PLEKHG4: variants seen among roughly 807,000 people sequenced by gnomAD.
The protein encoded by PLEKHG4 is pleckstrin homology and RhoGEF domain containing G4.
PLEKHG4 carries 85 observed loss-of-function variants against 136.9 expected under a neutral mutation model. The ratio of observed to expected loss-of-function variants is 0.62; its 90% CI spans 0.52 to 0.74. The LOEUF is 0.74. PLEKHG4 is among the 30% of genes least tolerant of loss of function. The pLI is 0.00. For missense variants in PLEKHG4, 1,317 were observed against 1,527.8 expected, an observed-to-expected ratio of 0.86 and a Z score of 2.30; for synonymous variants, 577 against 646.9, an observed-to-expected ratio of 0.89 and a Z score of 1.64.
At chr16:67,281,225 C>T (rs78476762) in intron 5 of PLEKHG4, 41 bp downstream of exon 5, 306,228 of 1,081,778 alleles carry the variant, frequency 0.28, 31,343 homozygotes, top group Middle Eastern at 0.39. Flanking sequence ...CTTTTCTTTT[C>T]TTTTTTTTTT....
At chr16:67,285,753 G>A (rs1447912225) in intron 14 of PLEKHG4, among the ~76,000 whole-genome samples, 3 of 152,226 alleles carry the variant, frequency 2.0e-5, no homozygotes, top group African/African-American at 7.2e-5. Flanking sequence ...AAATAAGCAG[G>A]ATAGATGCTT....
intron 14 of PLEKHG4, among the ~76,000 whole-genome samples, 183 bp downstream of exon 14, chr16:67,285,719 A>G (rs77172471): frequency 0.019 from 2,965 of 152,326 alleles, 45 homozygotes; most frequent in Non-Finnish European, 0.031. Context: ...CGATACTTGT[A>G]GATTATAGTT....
chr16:67,289,222 A>C lies in PLEKHG4; in HGVS notation c.*414A>C. On this transcript the variant is annotated 3_prime_UTR_variant, in exon 22 of 22. Coordinates refer to ENST00000379344, the MANE Select transcript of PLEKHG4 (RefSeq NM_001129729.3). ...GCTGATCCCCAATGCCTGGCCTTAAAGCCGAGCTCAGTTACCATAGGGACA... is the reference window on the plus strand; with the variant it reads ...GCTGATCCCCAATGCCTGGCCTTAACGCCGAGCTCAGTTACCATAGGGACA... 1 of 438,208 alleles carries C rather than the reference A, an allele frequency of 2.3e-6. No individual in the cohort carries two copies. Among genetic ancestry groups the C allele is most frequent in the Admixed American group, 3.7e-5 (1 of 26,976 alleles). The allele number at this position is 438,208 out of a possible 1,614,324, so 27.1% of individuals were successfully genotyped here. A position where few individuals can be genotyped will look rare whatever the true frequency, so the allele number is the denominator to read the frequency against.
upstream of PLEKHG4, chr16:67,278,714 G>C (rs2036074536): frequency 6.6e-6 from 1 of 152,198 alleles, no homozygotes; most frequent in Non-Finnish European, 1.5e-5. Flanking sequence ...GCAACCCCAG[G>C]AGAAAAATGA....
chr16:67,284,718 G>A lies in PLEKHG4; in HGVS notation c.1698G>A (p.Leu566=). 1 of 1,613,726 alleles carries A rather than the reference G, an allele frequency of 6.2e-7. No homozygotes were observed. The highest frequency in any genetic ancestry group is 8.5e-7 in the Non-Finnish European group (1 of 1,179,940). The change falls in exon 13 of 22, where the codon TTG becomes TTA. Residue 566 remains leucine, a synonymous_variant. Coordinates refer to ENST00000379344, the MANE Select transcript of PLEKHG4 (RefSeq NM_001129729.3). The surrounding 1 kb of genome is among the most constrained non-coding windows in gnomAD (Gnocchi z 4.4). ...GTCCGGCCCTGGTGTTGCAGGCCTT[G>A]ACGTGGGCTGAGGAGGGGCAGCGAG... ...ERLFQLFREA[L]TWAEEGQRVL...
In PLEKHG4 at chr16:67,289,113, G is replaced by A; in HGVS notation, c.*305G>A. On this transcript the variant is annotated 3_prime_UTR_variant, in exon 22 of 22. Coordinates refer to ENST00000379344, the MANE Select transcript of PLEKHG4 (RefSeq NM_001129729.3). ...AGCAGACATTGGGTGTTTCCATGCT[G>A]TAGGCTGGTGGGGGACCATGTGCCT... is the stretch of plus-strand genomic sequence containing the variant. 6 of 529,682 alleles carry A rather than the reference G, an allele frequency of 1.1e-5. No individual in the cohort carries two copies. The highest frequency in any genetic ancestry group is 1.0e-4 in the South Asian group (5 of 49,552). The allele number at this position is 529,682 out of a possible 1,614,324, so 32.8% of individuals were successfully genotyped here. A position where few individuals can be genotyped will look rare whatever the true frequency, so the allele number is the denominator to read the frequency against.
In PLEKHG4 at chr16:67,284,482, A is replaced by G. The variant is rs777402480; in HGVS notation, c.1692+25A>G. The G allele has an allele frequency of 6.2e-7, 1 of 1,611,152 alleles. No individual in the cohort carries two copies. The highest frequency in any genetic ancestry group is 8.5e-7 in the Non-Finnish European group (1 of 1,177,780). ...GGTGGGTGAGAGTCTCCCCAGCTCC[A>G]AGTGATCCATGAGGCCGGAGGGATG... On this transcript the variant is annotated intron_variant, in intron 12 of 21. Coordinates refer to ENST00000379344, the MANE Select transcript of PLEKHG4 (RefSeq NM_001129729.3). This position sits in a 1 kb window ranked among gnomAD's most constrained non-coding sequence, Gnocchi z 4.4.
intron 18 of PLEKHG4, chr16:67,287,675 GA>G: frequency 3.3e-6 from 2 of 612,534 alleles, no homozygotes; most frequent in South Asian, 3.7e-5. Flanking sequence ...TTACAGGCGT[GA>G]GCCACTGCGC....
chr16:67,284,890 G>T lies in PLEKHG4; in HGVS notation c.1870G>T (p.Glu624Ter), dbSNP rs1381657167. The part of the protein sequence containing the change: ...TGLGSEAIRQ[E>*]CRWAWARCQD... ...GCTGGGCTCAGAGGCCATCCGCCAG[G>T]AGTGCCGCTGGGCCTGGGCGCGGTG... The change falls in exon 13 of 22, where the codon GAG becomes TAG. Residue 624 changes from glutamate to a stop codon, truncating the protein, a stop_gained. Coordinates refer to ENST00000379344, the MANE Select transcript of PLEKHG4 (RefSeq NM_001129729.3). LOFTEE classifies it high-confidence loss of function. This position sits in a 1 kb window ranked among gnomAD's most constrained non-coding sequence, Gnocchi z 4.4. 6.2e-7 allele frequency: 1 copy of T among 1,612,644 alleles called. No homozygotes were observed. The highest frequency in any genetic ancestry group is 1.3e-5 in the African/African-American group (1 of 74,916).
In PLEKHG4 at chr16:67,284,754, G is replaced by A. The variant is rs750349724; in HGVS notation, c.1734G>A (p.Glu578=). Residue 578 remains glutamate (E), a synonymous_variant, in exon 13 of 22, where the codon GAG becomes GAA. Transcript: ENST00000379344. The surrounding 1 kb of genome is among the most constrained non-coding windows in gnomAD (Gnocchi z 4.4). ...AGGAGGGGCAGCGAGTGTTGGCAGA[G>A]CTGGAGCAGGAACGCCCGGGGGTTG... ...WAEEGQRVLA[E]LEQERPGVVL... The A allele has an allele frequency of 9.3e-6, 15 of 1,613,824 alleles. No individual in the cohort carries two copies. The highest frequency in any genetic ancestry group is 1.3e-5 in the Non-Finnish European group (15 of 1,179,964).
chr16:67,280,418 TA>T lies in PLEKHG4; in HGVS notation c.375del (p.Leu127TrpfsTer2). The T allele has an allele frequency of 6.2e-7, 1 of 1,602,246 alleles. No homozygotes were observed. On this transcript the variant is annotated frameshift_variant, in exon 2 of 22. Transcript: ENST00000379344. LOFTEE classifies it high-confidence loss of function. This position sits in a 1 kb window ranked among gnomAD's most constrained non-coding sequence, Gnocchi z 4.4. The part of the protein sequence containing the change: ...LAQGESDTPG[V>X]GLVGDPGPSR... ...CAGGGTGAGAGTGACACCCCAGGGG[TA>T]GGGTTGGTAGGGGACCCAGGTCCAA...
chr16:67,284,840 G>C lies in PLEKHG4; in HGVS notation c.1820G>C (p.Arg607Pro). 1 of 1,613,238 alleles carries C rather than the reference G, an allele frequency of 6.2e-7. No homozygotes were observed. Among genetic ancestry groups the C allele is most frequent in the South Asian group, 1.1e-5 (1 of 91,040 alleles). Residue 607 changes from arginine to proline, a missense_variant, in exon 13 of 22, where the codon CGA becomes CCA. Coordinates refer to ENST00000379344, the MANE Select transcript of PLEKHG4 (RefSeq NM_001129729.3). The surrounding 1 kb of genome is among the most constrained non-coding windows in gnomAD (Gnocchi z 4.4). ...RHPDLPPAHF[R>P]KMWALATGLG... ...CCTGACTTGCCTCCTGCCCACTTCC[G>C]AAAGATGTGGGCTCTGGCCACGGGG...
chr16:67,289,456 A>G lies in PLEKHG4; in HGVS notation c.*648A>G, dbSNP rs901009776. On this transcript the variant is annotated 3_prime_UTR_variant, in exon 22 of 22. Coordinates refer to ENST00000379344, the MANE Select transcript of PLEKHG4 (RefSeq NM_001129729.3). ...GTGTGATTTAATCTTTTATTTGTTT[A>G]TAATAAAAAATAGACTGATATGTAC... is the stretch of plus-strand genomic sequence containing the variant. 1.7e-6 allele frequency: 1 copy of G among 579,054 alleles called. No individual in the cohort carries two copies. The highest frequency in any genetic ancestry group is 3.1e-6 in the Non-Finnish European group (1 of 323,012). 35.9% of individuals were successfully genotyped at this position (579,054 alleles called of 1,614,324 possible). A position where few individuals can be genotyped will look rare whatever the true frequency, so the allele number is the denominator to read the frequency against.
Position 67,282,009 on chromosome 16 carries a change from C to A in PLEKHG4, c.1006C>A (p.Arg336=). The A allele has an allele frequency of 6.2e-7, 1 of 1,612,012 alleles. No individual in the cohort carries two copies. Among genetic ancestry groups the A allele is most frequent in the Non-Finnish European group, 8.5e-7 (1 of 1,178,722 alleles). ...CGGTCATGCCTGCCCCTGCTTACAGCGGCTGGAAGCTCTACTACAGAACTG... is the reference window on the plus strand; with the variant it reads ...CGGTCATGCCTGCCCCTGCTTACAGAGGCTGGAAGCTCTACTACAGAACTG... ...CHQAWLDFRR[R]LEALLQNCQA... is the part of the protein sequence containing the mutation. The change falls in exon 8 of 22, where the codon CGG becomes AGG. Residue 336 remains arginine, a splice_region_variant and synonymous_variant. Transcript: ENST00000379344.
At chr16:67,288,105 C>G in intron 19 of PLEKHG4, 62 bp from the exon 20 acceptor site, 1 of 1,563,836 alleles carries the variant, frequency 6.4e-7, no homozygotes, top group Non-Finnish European at 8.8e-7. Flanking sequence ...CCGCACTTTC[C>G]TTGGGATCTG....
intron 5 of PLEKHG4, 134 bp downstream of exon 5, chr16:67,281,318 G>A (rs1213312783): frequency 1.5e-5 from 11 of 755,154 alleles, no homozygotes; most frequent in Middle Eastern, 3.4e-4. Context: ...CTATCTCCCC[G>A]ATTCAAGTGA....
At position 67,284,693 on chromosome 16, in the gene PLEKHG4, G is replaced by C; in HGVS notation, c.1693-20G>C. The C allele has an allele frequency of 6.2e-7, 1 of 1,612,450 alleles. No individual in the cohort carries two copies. The highest frequency in any genetic ancestry group is 1.3e-5 in the African/African-American group (1 of 75,044). The stretch of plus-strand genomic sequence containing the variant: ...TTGGCAGGATCTTCCTCTAATGCTT[G>C]TCCGGCCCTGGTGTTGCAGGCCTTG... On this transcript the variant is annotated intron_variant, in intron 12 of 21. Coordinates refer to ENST00000379344, the MANE Select transcript of PLEKHG4 (RefSeq NM_001129729.3). The surrounding 1 kb of genome is among the most constrained non-coding windows in gnomAD (Gnocchi z 4.4).
chr16:67,280,643 G>T lies in PLEKHG4; in HGVS notation c.500-68G>T. 6.2e-7 allele frequency: 1 copy of T among 1,612,682 alleles called. No individual in the cohort carries two copies. Among genetic ancestry groups the T allele is most frequent in the Non-Finnish European group, 8.5e-7 (1 of 1,179,030 alleles). ...GGTCTCTGACCCTACTCAGGCTGAA[G>T]CCCGGGTCCAAGTAGGGGTCTCTGG... On this transcript the variant is annotated intron_variant, in intron 2 of 21. Transcript: ENST00000379344. This position sits in a 1 kb window ranked among gnomAD's most constrained non-coding sequence, Gnocchi z 4.4.
In PLEKHG4 at chr16:67,280,592, G is replaced by A; in HGVS notation, c.499+49G>A. 1.9e-6 allele frequency: 3 copies of A among 1,612,650 alleles called. No homozygotes were observed. Among genetic ancestry groups the A allele is most frequent in the Non-Finnish European group, 1.7e-6 (2 of 1,179,386 alleles). On this transcript the variant is annotated intron_variant, in intron 2 of 21. Transcript: ENST00000379344. This position sits in a 1 kb window ranked among gnomAD's most constrained non-coding sequence, Gnocchi z 4.4. ...GTCTGGGAAGGGAATGGGGATGCCT[G>A]GAGAGATGAGTGTCAAGACTTTGGA...
Sources: allele counts gnomAD v4.1 joint callset (sites outside exome capture counted in the v4.1 genomes callset), GRCh38; gene constraint gnomAD v4.1.1; non-coding constraint Gnocchi (gnomAD v3.1); transcripts MANE v1.5; gene names NCBI Gene and HGNC (gene_info 2026-07-23, HGNC 2026-07-21).